The following TTN variants were observed in gnomAD, a reference collection of about 807,000 sequenced individuals.
TTN encodes the protein connectin.
Under a neutral mutation model 3,223.0 loss-of-function variants are expected in TTN, and 1,525 were observed. The observed-to-expected ratio is 0.47, with a 90% confidence interval of 0.45 to 0.49. TTN has a LOEUF of 0.49. TTN is among the 20% of genes least tolerant of loss of function. TTN has a pLI of 0.00. For synonymous variants in TTN, 14,094 were observed against 15,161.0 expected (o/e 0.93, Z 5.17); for missense variants, 40,786 against 43,424.0 (o/e 0.94, Z 5.40).
At position 178,560,478 on chromosome 2, in the gene TTN, T is replaced by C. The variant is rs1404561736; in HGVS notation, c.85654A>G (p.Ser28552Gly). The change falls in exon 326 of 363, where the codon AGT becomes GGT. Residue 28552 changes from serine (S) to glycine (G), a missense_variant. Coordinates refer to ENST00000589042, the MANE Select transcript of TTN (RefSeq NM_001267550.2). ...GTAATTTCCAAAGACGTGGGTGGAC[T>C]TGGAACTGTAAATGGATCTAGTGCC... ...IKALDPFTVP[S>G]PPTSLEITSV... 3 of 1,613,228 alleles carry C rather than the reference T, an allele frequency of 1.9e-6. No homozygotes were observed. The highest frequency in any genetic ancestry group is 2.2e-5 in the East Asian group (1 of 44,778).
chr2:178,597,882 T>A, intron 293 of TTN, 26 bp downstream of exon 293: 1 of 1,612,876 alleles, frequency 6.2e-7, no homozygotes, highest in Non-Finnish European at 8.5e-7. Context: ...TAAATACTGA[T>A]GGCATAAGGA....
rs753044817 is a variant in TTN at position 178,731,166 on chromosome 2, A to G, written c.17499T>C (p.Asp5833=). The G allele has an allele frequency of 5.6e-6, 9 of 1,613,516 alleles. No homozygotes were observed. The highest frequency in any genetic ancestry group is 1.3e-5 in the African/African-American group (1 of 74,886). The change falls in exon 60 of 363, where the codon GAT becomes GAC. Residue 5833 remains aspartate (D), a synonymous_variant. Coordinates refer to ENST00000589042, the MANE Select transcript of TTN (RefSeq NM_001267550.2). Reference sequence around the variant, plus strand: ...AAGTGGCTGGGTCTCCTTGGGTGACATCTATAGACACAGCTTCCTCGGTGA... The same window carrying G: ...AAGTGGCTGGGTCTCCTTGGGTGACGTCTATAGACACAGCTTCCTCGGTGA... ...ATITEEAVSI[D]VTQGDPATLQ... is the part of the protein sequence containing the mutation.
Position 178,705,169 on chromosome 2 carries a change from C to A in TTN, c.29604+5G>T, listed in dbSNP as rs1179500469. On this transcript the variant is annotated splice_donor_5th_base_variant and intron_variant, in intron 103 of 362. Transcript: ENST00000589042. ...TAGCATGATGCTATATATGAAGGAGCATACCAGTCTATGTGTCTCTTCTTC... is the reference window on the plus strand; with the variant it reads ...TAGCATGATGCTATATATGAAGGAGAATACCAGTCTATGTGTCTCTTCTTC... The A allele has an allele frequency of 1.2e-6, 2 of 1,611,104 alleles. No homozygotes were observed. The highest frequency in any genetic ancestry group is 1.1e-5 in the South Asian group (1 of 90,128).
chr2:178,557,449 G>C lies in TTN; in HGVS notation c.87813C>G (p.Gly29271=), dbSNP rs751701021. 1 of 1,613,810 alleles carries C rather than the reference G, an allele frequency of 6.2e-7. No individual in the cohort carries two copies. The highest frequency in any genetic ancestry group is 2.2e-5 in the East Asian group (1 of 44,858). The change falls in exon 329 of 363, where the codon GGC becomes GGG. Residue 29271 remains glycine (G), a synonymous_variant. Transcript: ENST00000589042. The stretch of plus-strand genomic sequence containing the variant: ...TTCTGTCTTTCATTTCCAGGTGATA[G>C]CCTACGACTGCACTGCCTCCATTTG... The part of the protein sequence containing the change: ...PVSNGGSAVV[G]YHLEMKDRNS...
In TTN at chr2:178,722,860, C is replaced by A; in HGVS notation, c.22039G>T (p.Ala7347Ser). The change falls in exon 76 of 363, where the codon GCT becomes TCT. Residue 7347 changes from alanine to serine, a missense_variant. Coordinates refer to ENST00000589042, the MANE Select transcript of TTN (RefSeq NM_001267550.2). Reference protein sequence around the residue: ...GDSVSLQCQVAGTPEITVSWY... With the variant: ...GDSVSLQCQVSGTPEITVSWY... ...GACACTGTAATTTCTGGTGTCCCAG[C>A]AACTTGGCATTGTAAAGAAACCGAA... 1.9e-6 allele frequency: 3 copies of A among 1,613,174 alleles called. No individual in the cohort carries two copies. The highest frequency in any genetic ancestry group is 1.7e-6 in the Non-Finnish European group (2 of 1,179,508).
intron 206 of TTN, 42 bp from the exon 207 acceptor site, chr2:178,651,578 T>C: frequency 6.2e-7 from 1 of 1,610,784 alleles, no homozygotes; most frequent in South Asian, 1.1e-5. Flanking sequence ...ATGGTTTCAA[T>C]GAAATGTGAA....
Position 178,741,668 on chromosome 2 carries a change from A to G in TTN, c.11565T>C (p.Phe3855=). 6.2e-7 allele frequency: 1 copy of G among 1,613,852 alleles called. No homozygotes were observed. Among genetic ancestry groups the G allele is most frequent in the Non-Finnish European group, 8.5e-7 (1 of 1,179,788 alleles). Residue 3855 remains phenylalanine (F), a synonymous_variant, in exon 48 of 363, where the codon TTT becomes TTC. Coordinates refer to ENST00000589042, the MANE Select transcript of TTN (RefSeq NM_001267550.2). ...CAGAAGGGGTTAATAGCACTCCATTAAAGAACCACTGAATTTTAGGTTTGG... is the reference window on the plus strand; with the variant it reads ...CAGAAGGGGTTAATAGCACTCCATTGAAGAACCACTGAATTTTAGGTTTGG... ...GIPKPKIQWF[F]NGVLLTPSAD...
At position 178,663,413 on chromosome 2, in the gene TTN, A is replaced by G; in HGVS notation, c.36616+20T>C. 6.2e-7 allele frequency: 1 copy of G among 1,609,400 alleles called. No individual in the cohort carries two copies. The highest frequency in any genetic ancestry group is 1.1e-5 in the South Asian group (1 of 90,766). ...AAGACAAACAAACAATATCAAACAC[A>G]GCAACAAGAGGGTGTCTACCTTTTG... On this transcript the variant is annotated intron_variant, in intron 172 of 362. Coordinates refer to ENST00000589042, the MANE Select transcript of TTN (RefSeq NM_001267550.2).
chr2:178,697,520 A>C (rs959503096), intron 112 of TTN, among the ~76,000 whole-genome samples: 1 of 152,174 alleles, frequency 6.6e-6, no homozygotes, highest in Admixed American at 6.5e-5. Context: ...ATAACACATT[A>C]GACTTTTTCA....
intron 147 of TTN, among the ~76,000 whole-genome samples, chr2:178,676,839 T>A (rs1217640646): frequency 6.6e-6 from 1 of 151,796 alleles, no homozygotes; most frequent in Non-Finnish European, 1.5e-5. Flanking sequence ...ATATAAATGG[T>A]TGAAGGAAGA....
intron 115 of TTN, 53 bp from the exon 116 acceptor site, chr2:178,694,959 T>C: frequency 6.9e-6 from 9 of 1,299,312 alleles, no homozygotes; most frequent in Non-Finnish European, 9.7e-6. Flanking sequence ...ATTAAAATTC[T>C]CTCTCTCTCT....
At position 178,693,682 on chromosome 2, in the gene TTN, C is replaced by T. The variant is rs1177141332; in HGVS notation, c.31521G>A (p.Glu10507=). 1 of 1,592,540 alleles carries T rather than the reference C, an allele frequency of 6.3e-7. No individual in the cohort carries two copies. Among genetic ancestry groups the T allele is most frequent in the Admixed American group, 1.7e-5 (1 of 59,016 alleles). ...TEEEVSVTVP[E]VQKEIVTEEK... is the part of the protein sequence containing the mutation. The stretch of plus-strand genomic sequence containing the variant: ...CTTCAGTAACAATTTCCTTTTGTAC[C>T]TCGGGGACTTAAAAAAATGTACATT... The change falls in exon 119 of 363, where the codon GAG becomes GAA. Residue 10507 remains glutamate (E), a synonymous_variant. Transcript: ENST00000589042.
At chr2:178,577,946 T>C (rs1307374497) in intron 322 of TTN, 42 bp downstream of exon 322, 3 of 1,593,524 alleles carry the variant, frequency 1.9e-6, no homozygotes, top group African/African-American at 1.4e-5. Flanking sequence ...GTTTTCTTCA[T>C]GTAAAACATG....
chr2:178,783,137 TAG>T lies in TTN; in HGVS notation c.2842-75_2842-74del. The T allele has an allele frequency of 4.5e-6, 7 of 1,564,214 alleles. 1 individual carries two copies. In the South Asian group the frequency reaches 6.8e-5, roughly 15 times the overall value. ...AATCACTTCTGTTTTGTAACAAATGTAGAGTTTGAACTTATGCATTTCAACTG... is the reference window on the plus strand; with the variant it reads ...AATCACTTCTGTTTTGTAACAAATGTAGTTTGAACTTATGCATTTCAACTG... On this transcript the variant is annotated intron_variant, in intron 17 of 362. Coordinates refer to ENST00000589042, the MANE Select transcript of TTN (RefSeq NM_001267550.2).
chr2:178,526,378 C>T lies in TTN; in HGVS notation c.*634G>A, dbSNP rs542144534. ...CAGGCACTCCTTATGTCAGAGACAG[C>T]GTAAAATGAGCGAACAAAGTGTTGG... is the stretch of plus-strand genomic sequence containing the variant. On this transcript the variant is annotated 3_prime_UTR_variant, in exon 363 of 363. Transcript: ENST00000589042. 4 of 152,520 alleles carry T rather than the reference C, an allele frequency of 2.6e-5. No homozygotes were observed. The highest frequency in any genetic ancestry group is 5.9e-5 in the Non-Finnish European group (4 of 68,034). The allele number at this position is 152,520 out of a possible 1,614,324, so 9.4% of individuals were successfully genotyped here.
chr2:178,599,093 AT>A, intron 290 of TTN, 31 bp from the exon 291 acceptor site: 5 of 1,510,194 alleles, frequency 3.3e-6, no homozygotes, highest in South Asian at 2.8e-5. Context: ...ATTATAAGAA[AT>A]TTAAAAAAAA....
In TTN at chr2:178,573,078, C is replaced by G. The variant is rs776994068; in HGVS notation, c.73054G>C (p.Gly24352Arg). ...ACCATATACCCAGTGATTTCTGAAC[C>G]ACCATCATAGATAGGTTTATTCCAA... ...IAWNKPIYDG[G>R]SEITGYMVEI... The change falls in exon 326 of 363, where the codon GGT becomes CGT. Residue 24352 changes from glycine (G) to arginine (R), a missense_variant. By Grantham distance (125) the Gly-to-Arg change is moderately radical. Coordinates refer to ENST00000589042, the MANE Select transcript of TTN (RefSeq NM_001267550.2). 2 of 1,613,256 alleles carry G rather than the reference C, an allele frequency of 1.2e-6. No individual in the cohort carries two copies. The highest frequency in any genetic ancestry group is 2.2e-5 in the South Asian group (2 of 91,062).
In TTN at chr2:178,586,805, C is replaced by T. The variant is rs2049080412; in HGVS notation, c.64096G>A (p.Glu21366Lys). 2 of 1,608,168 alleles carry T rather than the reference C, an allele frequency of 1.2e-6. No individual in the cohort carries two copies. The highest frequency in any genetic ancestry group is 1.7e-6 in the Non-Finnish European group (2 of 1,178,330). Residue 21366 changes from glutamate (E) to lysine (K), a missense_variant and splice_region_variant, in exon 308 of 363, where the codon GAG becomes AAG. Coordinates refer to ENST00000589042, the MANE Select transcript of TTN (RefSeq NM_001267550.2). ...KPVLASDPLSEPDPPRKLEVT... is the reference protein window; with the variant it reads ...KPVLASDPLSKPDPPRKLEVT... Reference sequence around the variant, plus strand: ...TCTAATTTCCTTGGGGGATCCGGCTCACCTAGAAGAAAAACATAATTTAGA... The same window carrying T: ...TCTAATTTCCTTGGGGGATCCGGCTTACCTAGAAGAAAAACATAATTTAGA...
rs764077128 is a variant in TTN, at chr2:178,560,092, C to G, written c.86040G>C (p.Gly28680=). 3.1e-6 allele frequency: 5 copies of G among 1,613,558 alleles called. No homozygotes were observed. The Admixed American group carries it at 5.0e-5, about 16-fold the overall frequency. The part of the protein sequence containing the change: ...IAWVKPLFDG[G]APITGYTVEY... ...CTACAGTATATCCAGTTATCGGGGCCCCACCATCAAACAGCGGCTTAACCC... is the reference window on the plus strand; with the variant it reads ...CTACAGTATATCCAGTTATCGGGGCGCCACCATCAAACAGCGGCTTAACCC... The change falls in exon 326 of 363, where the codon GGG becomes GGC. Residue 28680 remains glycine, a synonymous_variant. Transcript: ENST00000589042.
Sources: gnomAD v4.1 joint callset for allele counts (sites outside exome capture counted in the v4.1 genomes callset) on GRCh38, gnomAD v4.1.1 for gene constraint, MANE v1.5 for transcripts, NCBI Gene and HGNC (gene_info 2026-07-23, HGNC 2026-07-21) for gene names.